Variants in LINGO2 observed in about 807,000 individuals in gnomAD.
LINGO2 encodes leucine rich repeat and Ig domain containing 2.
In LINGO2, 14 loss-of-function variants were observed where a neutral mutation model predicts 30.6. The ratio of observed to expected loss-of-function variants is 0.46; its 90% CI spans 0.30 to 0.72. The LOEUF (loss-of-function observed/expected upper bound fraction) is 0.72, where lower values mean the gene tolerates loss of function less well. LINGO2 is among the 30% of genes least tolerant of loss of function. The pLI is 0.07. For synonymous variants in LINGO2, 317 were observed against 288.5 expected (o/e 1.10, Z -1.00); for missense variants, 729 against 751.7 (o/e 0.97, Z 0.35).
upstream of LINGO2, among the ~76,000 whole-genome samples, chr9:28,673,697 C>CATCA (rs1216658440): frequency 3.3e-5 from 5 of 151,714 alleles, no homozygotes; most frequent in African/African-American, 1.2e-4. Context: ...TCATCATCAT[C>CATCA]ATCATCATAA....
chr9:28,981,227 T>G, the LINGO2 span, among the ~76,000 whole-genome samples: 1 of 152,080 alleles, frequency 6.6e-6, no homozygotes, highest in African/African-American at 2.4e-5. Context: ...GTGCTATCTC[T>G]GGGAATATGA....
chr9:27,949,313 G>A, exon 6 of LINGO2: 2 of 1,614,112 alleles, frequency 1.2e-6, no homozygotes, highest in Non-Finnish European at 1.7e-6. Flanking sequence ...TGGACTTGGT[G>A]GTGATGAAAC....
chr9:29,150,756 C>A, the LINGO2 span, among the ~76,000 whole-genome samples: 1 of 152,082 alleles, frequency 6.6e-6, no homozygotes, highest in African/African-American at 2.4e-5. Flanking sequence ...GGATTTCATA[C>A]AGAGACCAAT....
At chr9:28,332,977 G>T (rs1421934323) in intron 3 of LINGO2, among the ~76,000 whole-genome samples, 1 of 152,086 alleles carries the variant, frequency 6.6e-6, no homozygotes, top group East Asian at 1.9e-4. Flanking sequence ...AAAGTTTAAA[G>T]CTAGATGTTT....
chr9:28,053,331 C>A (rs1200359786), intron 4 of LINGO2, among the ~76,000 whole-genome samples: 1 of 152,012 alleles, frequency 6.6e-6, no homozygotes, highest in African/African-American at 2.4e-5. Context: ...GGGTCTTAGG[C>A]TGCAAGGGAG....
At chr9:28,946,530 G>C in the LINGO2 span, among the ~76,000 whole-genome samples, 1 of 152,100 alleles carries the variant, frequency 6.6e-6, no homozygotes, top group African/African-American at 2.4e-5. Context: ...TGCTCTGGAA[G>C]AAGCCTGTCC....
At chr9:28,988,214 T>C in the LINGO2 span, among the ~76,000 whole-genome samples, 1 of 152,196 alleles carries the variant, frequency 6.6e-6, no homozygotes, top group East Asian at 1.9e-4. Flanking sequence ...GGTGCTCCCA[T>C]GTTGGGTGCA....
chr9:28,976,751 C>G, the LINGO2 span, among the ~76,000 whole-genome samples: 5 of 151,846 alleles, frequency 3.3e-5, no homozygotes, highest in Admixed American at 3.3e-4. Context: ...ATTTCCTAAG[C>G]TGCAGTTCAG....
intron 1 of LINGO2, among the ~76,000 whole-genome samples, chr9:28,659,795 C>T (rs934973701): frequency 3.3e-5 from 5 of 151,934 alleles, no homozygotes; most frequent in South Asian, 2.1e-4. Context: ...AGTCCAGTGT[C>T]GTAATAGGTT....
the LINGO2 span, among the ~76,000 whole-genome samples, chr9:28,992,084 A>G: frequency 6.6e-6 from 1 of 152,194 alleles, no homozygotes; most frequent in Admixed American, 6.5e-5. Flanking sequence ...TTGGATAAAG[A>G]CTCAAGACCC....
chr9:28,395,526 C>T (rs1822004316), intron 2 of LINGO2, among the ~76,000 whole-genome samples: 1 of 100,286 alleles, frequency 1.0e-5, no homozygotes, highest in African/African-American at 3.2e-5. Context: ...CCTAAAATAA[C>T]AGAAGTGAAA....
rs989726930 is a variant in LINGO2 at position 28,147,576 on chromosome 9, C to G, written c.-86-135171G>C. 2.0e-5 allele frequency among the ~76,000 whole-genome samples: 3 copies of G among 152,122 alleles called. No individual in the cohort carries two copies. Among genetic ancestry groups the G allele is most frequent in the Admixed American group, 2.0e-4 (3 of 15,286 alleles). On this transcript the variant is annotated intron_variant, in intron 4 of 5. Coordinates refer to ENST00000379992, the Ensembl canonical transcript of LINGO2. The surrounding 1 kb of genome is among the most constrained non-coding windows in gnomAD (Gnocchi z 4.7). ...CCTGTGCTCTGCTTCCAGGTTCTGG[C>G]CCTGTAACCCGGGGGACAGGGCCGG... is the stretch of plus-strand genomic sequence containing the variant.
intron 2 of LINGO2, among the ~76,000 whole-genome samples, chr9:28,454,269 C>A (rs1824757263): frequency 6.6e-6 from 1 of 152,002 alleles, no homozygotes; most frequent in Non-Finnish European, 1.5e-5. Flanking sequence ...TATTTGTCTT[C>A]CTTTTATGAC....
At chr9:28,048,844 C>CTA (rs34965220) in intron 4 of LINGO2, among the ~76,000 whole-genome samples, 2,601 of 150,258 alleles carry the variant, frequency 0.017, 113 homozygotes, top group African/African-American at 0.034. Context: ...ATATATGTAA[C>CTA]TATATATATA....
chr9:28,012,792 C>T (rs1380718964), intron 4 of LINGO2, among the ~76,000 whole-genome samples: 1 of 152,050 alleles, frequency 6.6e-6, no homozygotes, highest in Non-Finnish European at 1.5e-5. Flanking sequence ...AGCCTACTTT[C>T]TTTTCTTCAC....
the LINGO2 span, among the ~76,000 whole-genome samples, chr9:28,807,097 T>C: frequency 0.026 from 3,987 of 152,024 alleles, 81 homozygotes; most frequent in East Asian, 0.09. Context: ...CAATTTCAGC[T>C]CACTGCAAGC....
At chr9:29,141,161 G>GT in the LINGO2 span, among the ~76,000 whole-genome samples, 1 of 151,994 alleles carries the variant, frequency 6.6e-6, no homozygotes, top group Admixed American at 6.6e-5. Flanking sequence ...AGTAGCAGTA[G>GT]TATGTAAATA....
intron 2 of LINGO2, among the ~76,000 whole-genome samples, chr9:28,374,685 G>T (rs1821051186): frequency 6.6e-6 from 1 of 152,016 alleles, no homozygotes; most frequent in Non-Finnish European, 1.5e-5. Context: ...ATATTGATAA[G>T]CAACTACTGA....
chr9:28,189,717 A>T (rs61489811), intron 4 of LINGO2, among the ~76,000 whole-genome samples: 1 of 126,912 alleles, frequency 7.9e-6, no homozygotes, highest in African/African-American at 3.5e-5. Context: ...GGAAGGAAGG[A>T]AGGAAGGTTG....
Sources: allele counts gnomAD v4.1 joint callset (sites outside exome capture counted in the v4.1 genomes callset), GRCh38; gene constraint gnomAD v4.1.1; non-coding constraint Gnocchi (gnomAD v3.1); transcripts MANE v1.5; gene names NCBI Gene and HGNC (gene_info 2026-07-23, HGNC 2026-07-21).